IGSF9B: variants seen among roughly 807,000 people sequenced by gnomAD.
IGSF9B encodes the protein immunoglobulin superfamily member 9B.
Under a neutral mutation model 143.7 loss-of-function variants are expected in IGSF9B, and 48 were observed. The ratio of observed to expected loss-of-function variants is 0.33; its 90% CI spans 0.26 to 0.42. IGSF9B has a LOEUF of 0.42. Ranked by LOEUF, IGSF9B falls within the 20% of genes least tolerant of loss-of-function variation. IGSF9B has a pLI of 1.00. For synonymous variants in IGSF9B, 903 were observed against 833.1 expected (o/e 1.08, Z -1.44); for missense variants, 1,706 against 1,980.0 (o/e 0.86, Z 2.63).
At chr11:133,918,414 G>C (rs1939434466) in intron 18 of IGSF9B, among the ~76,000 whole-genome samples, 1 of 152,184 alleles carries the variant, frequency 6.6e-6, no homozygotes, top group East Asian at 1.9e-4. Flanking sequence ...GGCGAGGCCG[G>C]AGCGTGGGGG....
intron 1 of IGSF9B, among the ~76,000 whole-genome samples, chr11:133,954,898 C>T (rs1940222114): frequency 1.3e-5 from 2 of 152,206 alleles, no homozygotes; most frequent in Admixed American, 1.3e-4. Context: ...TCATGCCAGG[C>T]AGCCTTCAAT....
intron 15 of IGSF9B, among the ~76,000 whole-genome samples, chr11:133,924,490 G>A (rs368611445): frequency 1.2e-4 from 18 of 152,258 alleles, no homozygotes; most frequent in African/African-American, 3.6e-4. Context: ...GCCCCTCCCC[G>A]ACAAGAGGAA....
At chr11:133,943,424 CAA>C (rs912618910) in intron 3 of IGSF9B, among the ~76,000 whole-genome samples, 2 of 152,162 alleles carry the variant, frequency 1.3e-5, no homozygotes, top group Non-Finnish European at 2.9e-5. Flanking sequence ...TCCAGGGACA[CAA>C]AGAGGAGACT....
In IGSF9B at chr11:133,932,122, C is replaced by T. The variant is rs753023084; in HGVS notation, c.1059G>A (p.Pro353=). ...CCTTGTTCCACTTGACCACGGTGGC[C>T]GGTGGTTCTGCGTCCACAGGGCAGC... is the stretch of plus-strand genomic sequence containing the variant. The part of the protein sequence containing the change: ...YIRCPVDAEP[P]ATVVKWNKDG... The change falls in exon 8 of 20, where the codon CCG becomes CCA. Residue 353 remains proline (P), a synonymous_variant. Coordinates refer to ENST00000533871, the MANE Select transcript of IGSF9B (RefSeq NM_001277285.4). The T allele has an allele frequency of 7.3e-5, 118 of 1,613,586 alleles. 3 individuals are homozygous for T. Among genetic ancestry groups the T allele is most frequent in the South Asian group, 6.9e-4 (63 of 91,008 alleles).
chr11:133,935,602 T>C lies in IGSF9B; in HGVS notation c.967+15A>G, dbSNP rs1478302915. The C allele has an allele frequency of 2.5e-6, 4 of 1,604,798 alleles. No individual in the cohort carries two copies. The highest frequency in any genetic ancestry group is 2.6e-6 in the Non-Finnish European group (3 of 1,176,328). On this transcript the variant is annotated intron_variant, in intron 7 of 19. Transcript: ENST00000533871. ...GGGAGCCCCACCACCCAGGCTCCCC[T>C]GCACCCCTACTCACACTGCACGGTC...
At chr11:133,939,499 G>A (rs1939883362) in intron 3 of IGSF9B, among the ~76,000 whole-genome samples, 1 of 152,216 alleles carries the variant, frequency 6.6e-6, no homozygotes, top group African/African-American at 2.4e-5. Flanking sequence ...GTAGCCAAGG[G>A]CTCAGCAAAC....
At chr11:133,936,760 C>T (rs1225202831) in intron 5 of IGSF9B, among the ~76,000 whole-genome samples, 2 of 152,208 alleles carry the variant, frequency 1.3e-5, no homozygotes, top group African/African-American at 2.4e-5. Context: ...CACCAACCCC[C>T]ACAACCCCCG....
At position 133,945,428 on chromosome 11, in the gene IGSF9B, C is replaced by T. The variant is rs1416280194; in HGVS notation, c.262+633G>A. On this transcript the variant is annotated intron_variant, in intron 2 of 19. Transcript: ENST00000533871. This position sits in a 1 kb window ranked among gnomAD's most constrained non-coding sequence, Gnocchi z 4.6. ...CAGTGCCCTGCCTGCTTCCTCCCTT[C>T]CTTTCAACCCCAACAACGCTCGCTC... Among the ~76,000 whole-genome samples, 4 of 152,224 alleles carry T rather than the reference C, an allele frequency of 2.6e-5. No homozygotes were observed. The highest frequency in any genetic ancestry group is 2.0e-4 in the Admixed American group (3 of 15,290).
At chr11:133,914,842 GC>G (rs1210309186) in intron 18 of IGSF9B, among the ~76,000 whole-genome samples, 1 of 152,186 alleles carries the variant, frequency 6.6e-6, no homozygotes, top group African/African-American at 2.4e-5. Context: ...AGCACGTAAA[GC>G]CCTGTGCAAT....
rs747664339 is a variant in IGSF9B, at chr11:133,902,448, G to GACACACCACACACACGCACAC, written c.*6620_*6621insGTGTGCGTGTGTGTGGTGTGT. Among the ~76,000 whole-genome samples the GACACACCACACACACGCACAC allele has an allele frequency of 1.0e-3, 128 of 127,540 alleles. 2 individuals carry two copies. In the East Asian group the frequency reaches 0.024, roughly 24 times the overall value. 83.7% of individuals were successfully genotyped at this position (127,540 alleles called of 152,430 possible). On this transcript the variant is annotated 3_prime_UTR_variant, in exon 20 of 20. Coordinates refer to ENST00000533871, the MANE Select transcript of IGSF9B (RefSeq NM_001277285.4). ...CACACCACACCACACACACCACCCA[G>GACACACCACACACACGCACAC]ACACACCACACACAGATACACACAC...
Position 133,906,220 on chromosome 11 carries a change from C to T in IGSF9B, c.*2849G>A, listed in dbSNP as rs565413145. Among the ~76,000 whole-genome samples the T allele has an allele frequency of 2.6e-5, 4 of 152,346 alleles. No individual in the cohort carries two copies. The East Asian group carries it at 5.8e-4, about 22-fold the overall frequency. ...TCCCTAGAGGTGGTTACACCCCCAT[C>T]ACCCACATGCTCACAACCACGCTGT... On this transcript the variant is annotated 3_prime_UTR_variant, in exon 20 of 20. Transcript: ENST00000533871.
chr11:133,936,667 G>A (rs574939208), intron 5 of IGSF9B, among the ~76,000 whole-genome samples: 7 of 152,262 alleles, frequency 4.6e-5, no homozygotes, highest in Admixed American at 2.0e-4. Context: ...CCCTGAGAGG[G>A]AACAGCTTCC....
chr11:133,921,739 C>T (rs1221564138), intron 17 of IGSF9B, among the ~76,000 whole-genome samples: 1 of 152,104 alleles, frequency 6.6e-6, no homozygotes, highest in African/African-American at 2.4e-5. Context: ...ACACCCGCCT[C>T]TTCACTTTTG....
At chr11:133,940,237 AACACACACCTC>A (rs1939913657) in intron 3 of IGSF9B, among the ~76,000 whole-genome samples, 1 of 126,550 alleles carries the variant, frequency 7.9e-6, no homozygotes, top group East Asian at 2.7e-4. Context: ...CGCACGCAAA[AACACACACCTC>A]GCACGTCCTC....
chr11:133,944,386 A>G lies in IGSF9B; in HGVS notation c.263-20T>C. The G allele has an allele frequency of 6.2e-7, 1 of 1,611,950 alleles. No individual in the cohort carries two copies. Among genetic ancestry groups the G allele is most frequent in the Non-Finnish European group, 8.5e-7 (1 of 1,179,604 alleles). ...CCCGGCCTGGGGGAATAGAGCAGAC[A>G]AAAGCCCCACAGGCCATCAGGTAAG... On this transcript the variant is annotated intron_variant, in intron 2 of 19. Transcript: ENST00000533871.
intron 6 of IGSF9B, 55 bp from the exon 7 acceptor site, chr11:133,935,817 A>C: frequency 6.3e-7 from 1 of 1,583,438 alleles, no homozygotes; most frequent in Middle Eastern, 1.7e-4. Context: ...ATCTTGCCGC[A>C]GACACACAGT....
Position 133,935,550 on chromosome 11 carries a change from A to G in IGSF9B, c.967+67T>C. The G allele has an allele frequency of 2.0e-6, 3 of 1,480,962 alleles. No individual in the cohort carries two copies. In the South Asian group the frequency reaches 3.9e-5, roughly 19 times the overall value. The allele number at this position is 1,480,962 out of a possible 1,614,324, so 91.7% of individuals were successfully genotyped here. ...CTTGGTCTTTGCTACCCTCCAGCCTACAGTCTGGCTAACACCAAAACCTTC... is the reference window on the plus strand; with the variant it reads ...CTTGGTCTTTGCTACCCTCCAGCCTGCAGTCTGGCTAACACCAAAACCTTC... On this transcript the variant is annotated intron_variant, in intron 7 of 19. Coordinates refer to ENST00000533871, the MANE Select transcript of IGSF9B (RefSeq NM_001277285.4).
Position 133,919,762 on chromosome 11 carries a change from T to G in IGSF9B, c.3963A>C (p.Pro1321=). The G allele has an allele frequency of 1.4e-6, 2 of 1,469,898 alleles. No homozygotes were observed. Among genetic ancestry groups the G allele is most frequent in the Non-Finnish European group, 9.0e-7 (1 of 1,107,564 alleles). The allele number at this position is 1,469,898 out of a possible 1,614,324, so 91.1% of individuals were successfully genotyped here. A position where few individuals can be genotyped will look rare whatever the true frequency, so the allele number is the denominator to read the frequency against. ...CTCACCCTGAAGTAGGTAACGTGGGTGGTGGGGTCTCCGGTCGGAGCAATT... is the reference window on the plus strand; with the variant it reads ...CTCACCCTGAAGTAGGTAACGTGGGGGGTGGGGTCTCCGGTCGGAGCAATT... The part of the protein sequence containing the change: ...GEELLRPETP[P]PTLPTSGTLP... Residue 1321 remains proline (P), a synonymous_variant, in exon 18 of 20, where the codon CCA becomes CCC. Transcript: ENST00000533871.
Position 133,909,084 on chromosome 11 carries a change from ATGTCC to A in IGSF9B, c.4294_4298del (p.Gly1432CysfsTer99). On this transcript the variant is annotated frameshift_variant, in exon 20 of 20. Transcript: ENST00000533871. LOFTEE classifies it high-confidence loss of function. The surrounding 1 kb of genome is among the most constrained non-coding windows in gnomAD (Gnocchi z 4.2). ...TGGGGTGGAGTCACAGCAAAGTGGC[ATGTCC>A]TGGGTCATCGTGGTCCACACTGTTG... 1 of 1,535,800 alleles carries A rather than the reference ATGTCC, an allele frequency of 6.5e-7. No individual in the cohort carries two copies. Among genetic ancestry groups the A allele is most frequent in the Middle Eastern group, 1.7e-4 (1 of 5,964 alleles).
Sources: gnomAD v4.1 joint callset for allele counts (sites outside exome capture counted in the v4.1 genomes callset) on GRCh38, gnomAD v4.1.1 for gene constraint, Gnocchi (gnomAD v3.1) non-coding constraint, MANE v1.5 for transcripts, NCBI Gene and HGNC (gene_info 2026-07-23, HGNC 2026-07-21) for gene names.